The following DLGAP3 variants were observed in gnomAD, a reference collection of about 807,000 sequenced individuals.
The protein encoded by DLGAP3 is disks large-associated protein 3.
DLGAP3 carries 17 observed loss-of-function variants against 81.2 expected under a neutral mutation model. That is an observed-to-expected ratio of 0.21 (90% CI 0.14 to 0.31). DLGAP3 has a LOEUF of 0.31. Ranked by LOEUF, DLGAP3 falls within the 10% of genes least tolerant of loss-of-function variation. The probability of loss-of-function intolerance (pLI) is 1.00; values close to 1 mark genes in which losing one functional copy is unlikely to be tolerated. For missense variants in DLGAP3, 1,124 were observed against 1,388.0 expected (o/e 0.81, Z 3.02); for synonymous variants, 577 against 587.4 (o/e 0.98, Z 0.26).
At position 34,885,488 on chromosome 1, in the gene DLGAP3, A is replaced by G. The variant is rs773050374; in HGVS notation, c.1904T>C (p.Ile635Thr). Residue 635 changes from isoleucine to threonine, a missense_variant, in exon 7 of 12, where the codon ATT becomes ACT. This residue lies in a region of DLGAP3 where 379 missense variants were observed against 455.7 expected (regional missense o/e 0.83). Transcript: ENST00000373347. ...CTCCCCGTTCCATACCTGCACCCCAATGGACGGCCGCCACTTCCGCTGCCG... is the reference window on the plus strand; with the variant it reads ...CTCCCCGTTCCATACCTGCACCCCAGTGGACGGCCGCCACTTCCGCTGCCG... ...LARQRKWRPS[I>T]GVQVETISDS... The G allele has an allele frequency of 3.1e-6, 5 of 1,606,318 alleles. No individual in the cohort carries two copies. In the South Asian group the frequency reaches 3.3e-5, roughly 11 times the overall value.
intron 8 of DLGAP3, among the ~76,000 whole-genome samples, chr1:34,871,980 A>G (rs1170443294): frequency 2.0e-5 from 3 of 152,188 alleles, no homozygotes; most frequent in African/African-American, 7.2e-5. Context: ...AGATGTGTAC[A>G]GCACAAGCAG....
chr1:34,922,510 A>G (rs1456753725), intron 1 of DLGAP3, among the ~76,000 whole-genome samples: 1 of 152,164 alleles, frequency 6.6e-6, no homozygotes. Context: ...CAAAGGCATT[A>G]CTGGATAAGC....
At chr1:34,907,822 T>C (rs1639579226) in intron 1 of DLGAP3, among the ~76,000 whole-genome samples, 1 of 152,180 alleles carries the variant, frequency 6.6e-6, no homozygotes, top group Non-Finnish European at 1.5e-5. Flanking sequence ...GTGGTCCCTG[T>C]CCTCGAGGGG....
At chr1:34,913,457 A>G (rs1252216328) in intron 1 of DLGAP3, among the ~76,000 whole-genome samples, 4 of 152,176 alleles carry the variant, frequency 2.6e-5, no homozygotes, top group African/African-American at 9.7e-5. Context: ...GCCTCGGAAG[A>G]GACAGAGAGG....
At position 34,904,500 on chromosome 1, in the gene DLGAP3, G is replaced by A. The variant is rs1312181558; in HGVS notation, c.884C>T (p.Ser295Phe). 6.2e-7 allele frequency: 1 copy of A among 1,614,202 alleles called. No individual in the cohort carries two copies. The highest frequency in any genetic ancestry group is 2.2e-5 in the East Asian group (1 of 44,886). Reference protein sequence around the residue: ...GPFCLEGPDGSYRDLSFKGRS... With the variant: ...GPFCLEGPDGFYRDLSFKGRS... ...CCCCTTGAAGCTCAAGTCCCGGTAG[G>A]ACCCATCTGGACCCTCCAGGCAGAA... Residue 295 changes from serine to phenylalanine, a missense_variant, in exon 3 of 12, where the codon TCC becomes TTC. By Grantham distance (155) the Ser-to-Phe change is radical (BLOSUM62 -2). This residue lies in a region of DLGAP3 where 357 missense variants were observed against 408.8 expected (regional missense o/e 0.87). Transcript: ENST00000373347. This position sits in a 1 kb window ranked among gnomAD's most constrained non-coding sequence, Gnocchi z 8.1.
chr1:34,886,627 G>A (rs1049892162), intron 5 of DLGAP3, among the ~76,000 whole-genome samples: 1 of 150,954 alleles, frequency 6.6e-6, no homozygotes, highest in Admixed American at 6.6e-5. Context: ...ATCCCCTGAC[G>A]TTTCTCTCAC....
In DLGAP3 at chr1:34,885,523, C is replaced by G; in HGVS notation, c.1869G>C (p.Arg623=). ...IKTIPGREEL[R]SLARQRKWRP... ...GCCACTTCCGCTGCCGCGCCAGGCT[C>G]CGCAGCTCCTCCCTGCCAGGGATGG... is the stretch of plus-strand genomic sequence containing the variant. Residue 623 remains arginine (R), a synonymous_variant, in exon 7 of 12, where the codon CGG becomes CGC. Coordinates refer to ENST00000373347, the MANE Select transcript of DLGAP3 (RefSeq NM_001080418.3). 1 of 1,609,292 alleles carries G rather than the reference C, an allele frequency of 6.2e-7. No individual in the cohort carries two copies. The highest frequency in any genetic ancestry group is 8.5e-7 in the Non-Finnish European group (1 of 1,179,852).
Position 34,929,203 on chromosome 1 carries a change from C to G in DLGAP3, c.-135+248G>C, listed in dbSNP as rs756585276. 6.6e-6 allele frequency among the ~76,000 whole-genome samples: 1 copy of G among 151,598 alleles called. No individual in the cohort carries two copies. The highest frequency in any genetic ancestry group is 1.5e-5 in the Non-Finnish European group (1 of 67,682). ...GGCTGGCCTGTCCCCGCGGCCCTGA[C>G]CGGGAGCGTGGGTCCGCGGTCCGCG... is the stretch of plus-strand genomic sequence containing the variant. On this transcript the variant is annotated intron_variant, in intron 1 of 11. Coordinates refer to ENST00000373347, the MANE Select transcript of DLGAP3 (RefSeq NM_001080418.3). This position sits in a 1 kb window ranked among gnomAD's most constrained non-coding sequence, Gnocchi z 6.5.
chr1:34,866,964 C>T, intron 11 of DLGAP3, 84 bp downstream of exon 11: 1 of 1,517,120 alleles, frequency 6.6e-7, no homozygotes, highest in Non-Finnish European at 9.1e-7. Flanking sequence ...TCCCCTGCCC[C>T]CTTGTTCGTC....
chr1:34,905,447 G>A lies in DLGAP3; in HGVS notation c.-51-13C>T. 2 of 1,493,120 alleles carry A rather than the reference G, an allele frequency of 1.3e-6. No individual in the cohort carries two copies. Among genetic ancestry groups the A allele is most frequent in the Non-Finnish European group, 1.8e-6 (2 of 1,114,626 alleles). The allele number at this position is 1,493,120 out of a possible 1,614,324, so 92.5% of individuals were successfully genotyped here. Reference sequence around the variant, plus strand: ...CCCCAGGAACCTCCTGGAAAAATAGGGAGAAAAGGTATTTGAATTGAACAG... The same window carrying A: ...CCCCAGGAACCTCCTGGAAAAATAGAGAGAAAAGGTATTTGAATTGAACAG... On this transcript the variant is annotated splice_polypyrimidine_tract_variant and intron_variant, in intron 2 of 11. Coordinates refer to ENST00000373347, the MANE Select transcript of DLGAP3 (RefSeq NM_001080418.3).
chr1:34,909,677 T>C (rs1639611672), intron 1 of DLGAP3, among the ~76,000 whole-genome samples: 1 of 152,110 alleles, frequency 6.6e-6, no homozygotes, highest in Admixed American at 6.5e-5. Context: ...AACAACTGGC[T>C]TCCTCCTATA....
At chr1:34,871,160 C>T (rs1041217553) in intron 8 of DLGAP3, among the ~76,000 whole-genome samples, 1 of 152,116 alleles carries the variant, frequency 6.6e-6, no homozygotes, top group Non-Finnish European at 1.5e-5. Context: ...CCTTCCACAG[C>T]CCCCTACTAC....
At chr1:34,915,669 G>A (rs1254180854) in intron 1 of DLGAP3, among the ~76,000 whole-genome samples, 1 of 152,202 alleles carries the variant, frequency 6.6e-6, no homozygotes, top group East Asian at 1.9e-4. Flanking sequence ...AAGGCTGGCT[G>A]GTTGGCTGAC....
At chr1:34,898,731 G>T (rs980057572) in intron 5 of DLGAP3, among the ~76,000 whole-genome samples, 1 of 152,218 alleles carries the variant, frequency 6.6e-6, no homozygotes, top group Non-Finnish European at 1.5e-5. Context: ...CAGTCAGCTG[G>T]TAAGTAGCCA....
intron 2 of DLGAP3, among the ~76,000 whole-genome samples, chr1:34,906,019 TATA>T (rs1639548591): frequency 7.9e-6 from 1 of 126,810 alleles, no homozygotes; most frequent in African/African-American, 2.8e-5. Flanking sequence ...TCTAAATTTA[TATA>T]TATATATATA....
At chr1:34,917,436 C>T (rs1206048610) in intron 1 of DLGAP3, among the ~76,000 whole-genome samples, 4 of 151,484 alleles carry the variant, frequency 2.6e-5, no homozygotes, top group Non-Finnish European at 4.4e-5. Context: ...CAGCCTTGAC[C>T]TCCCAGGCTC....
intron 6 of DLGAP3, 28 bp downstream of exon 6, chr1:34,886,044 C>T: frequency 6.4e-7 from 1 of 1,571,718 alleles, no homozygotes; most frequent in Non-Finnish European, 8.6e-7. Flanking sequence ...TGCCTAGGGC[C>T]GGGCCAGGGG....
At chr1:34,881,828 C>T (rs1178922399) in intron 8 of DLGAP3, among the ~76,000 whole-genome samples, 3 of 152,160 alleles carry the variant, frequency 2.0e-5, no homozygotes, top group Non-Finnish European at 4.4e-5. Flanking sequence ...TAAAATTTCA[C>T]TCATATTTTC....
At chr1:34,912,318 C>G (rs2148416233) in intron 1 of DLGAP3, among the ~76,000 whole-genome samples, 1 of 152,278 alleles carries the variant, frequency 6.6e-6, no homozygotes, top group South Asian at 2.1e-4. Flanking sequence ...GGTGTTCTCA[C>G]TCTAGATTGT....
Sources: allele counts gnomAD v4.1 joint callset (sites outside exome capture counted in the v4.1 genomes callset), GRCh38; gene constraint gnomAD v4.1.1; regional missense constraint gnomAD v4.1.1; non-coding constraint Gnocchi (gnomAD v3.1); transcripts MANE v1.5; gene names NCBI Gene and HGNC (gene_info 2026-07-23, HGNC 2026-07-21).